The following VAT1L variants were observed in gnomAD, a reference collection of about 807,000 sequenced individuals.
VAT1L encodes the protein putative NADPH-dependent quinone oxidoreductase VAT1L.
In VAT1L, 34 loss-of-function variants were observed where a neutral mutation model predicts 44.1. That is an observed-to-expected ratio of 0.77 (90% CI 0.59 to 1.03). The LOEUF (loss-of-function observed/expected upper bound fraction) is 1.03, where lower values mean the gene tolerates loss of function less well. Ranked by LOEUF, VAT1L falls within the 50% of genes least tolerant of loss-of-function variation. The probability of loss-of-function intolerance (pLI) is 0.00; values close to 1 mark genes in which losing one functional copy is unlikely to be tolerated. For synonymous variants in VAT1L, 253 were observed against 202.2 expected (o/e 1.25, Z -2.13); for missense variants, 615 against 538.8 (o/e 1.14, Z -1.40).
chr16:77,876,848 G>C (rs1235409990), intron 5 of VAT1L, among the ~76,000 whole-genome samples: 1 of 152,162 alleles, frequency 6.6e-6, no homozygotes, highest in Admixed American at 6.5e-5. Context: ...GGGGAAGAGT[G>C]GCTAGGATAT....
At chr16:77,795,520 G>C (rs1001705676) in intron 1 of VAT1L, among the ~76,000 whole-genome samples, 5 of 152,066 alleles carry the variant, frequency 3.3e-5, no homozygotes, top group Non-Finnish European at 7.4e-5. Context: ...TATTTCCTCA[G>C]GATTAAACCT....
intron 7 of VAT1L, among the ~76,000 whole-genome samples, chr16:77,955,158 C>T (rs2018088660): frequency 6.6e-6 from 1 of 152,188 alleles, no homozygotes; most frequent in South Asian, 2.1e-4. Flanking sequence ...CAGGTGCATG[C>T]TCTTCAAGAG....
chr16:77,939,054 C>G (rs1253079944), intron 7 of VAT1L, among the ~76,000 whole-genome samples: 1 of 152,144 alleles, frequency 6.6e-6, no homozygotes, highest in Non-Finnish European at 1.5e-5. Context: ...CTTCCCACTT[C>G]TACCTGCCTC....
intron 7 of VAT1L, among the ~76,000 whole-genome samples, chr16:77,910,694 GAAAGAAAAGA>G (rs751786729): frequency 8.0e-6 from 1 of 124,372 alleles, no homozygotes; most frequent in African/African-American, 3.0e-5. Context: ...AAAAAAAAAA[GAAAGAAAAGA>G]AAAGAAAAGA....
At chr16:77,830,035 C>A (rs544182773) in intron 3 of VAT1L, among the ~76,000 whole-genome samples, 1 of 152,144 alleles carries the variant, frequency 6.6e-6, no homozygotes, top group South Asian at 2.1e-4. Flanking sequence ...TGGTCCACCA[C>A]CTCCAGCCAG....
intron 7 of VAT1L, among the ~76,000 whole-genome samples, chr16:77,923,785 G>A (rs1597100835): frequency 6.6e-6 from 1 of 152,162 alleles, no homozygotes; most frequent in East Asian, 1.9e-4. Flanking sequence ...ACACTGGGGA[G>A]AGAGGAAAAC....
chr16:77,789,697 A>G (rs548668636), intron 1 of VAT1L, among the ~76,000 whole-genome samples: 1 of 151,958 alleles, frequency 6.6e-6, no homozygotes, highest in East Asian at 1.9e-4. Context: ...CCGAGAGGGG[A>G]AAAAACCCTG....
At chr16:77,976,791 T>G (rs2018345466) in intron 8 of VAT1L, among the ~76,000 whole-genome samples, 1 of 152,160 alleles carries the variant, frequency 6.6e-6, no homozygotes, top group Non-Finnish European at 1.5e-5. Context: ...ATGGCGGAAA[T>G]GAAGACCCAG....
At chr16:77,799,784 T>G (rs2016014280) in intron 1 of VAT1L, among the ~76,000 whole-genome samples, 1 of 152,114 alleles carries the variant, frequency 6.6e-6, no homozygotes, top group Non-Finnish European at 1.5e-5. Context: ...AGTTATTAAG[T>G]CACATTAAAT....
At chr16:77,866,005 C>T (rs73577100) in intron 4 of VAT1L, among the ~76,000 whole-genome samples, 3,250 of 152,296 alleles carry the variant, frequency 0.021, 111 homozygotes, top group African/African-American at 0.074. Flanking sequence ...ACCCACCTCA[C>T]CCTCACCTTC....
chr16:77,824,828 C>T (rs1195713063), intron 2 of VAT1L, among the ~76,000 whole-genome samples: 1 of 149,060 alleles, frequency 6.7e-6, no homozygotes, highest in Non-Finnish European at 1.5e-5. Context: ...CAGGAAAAAC[C>T]ATGTGTTTGT....
chr16:77,796,374 A>T (rs1015528516), intron 1 of VAT1L, among the ~76,000 whole-genome samples: 2 of 152,114 alleles, frequency 1.3e-5, no homozygotes, highest in African/African-American at 2.4e-5. Context: ...TCAGCTTTTC[A>T]TCTGATCTTC....
intron 1 of VAT1L, among the ~76,000 whole-genome samples, chr16:77,816,170 C>T (rs2016351134): frequency 6.6e-6 from 1 of 151,938 alleles, no homozygotes; most frequent in Non-Finnish European, 1.5e-5. Context: ...ATTATGATGA[C>T]TTTGATATAT....
intron 7 of VAT1L, among the ~76,000 whole-genome samples, chr16:77,895,496 G>C (rs1437038672): frequency 1.3e-5 from 2 of 152,106 alleles, no homozygotes; most frequent in Non-Finnish European, 2.9e-5. Flanking sequence ...AGGAGGGTTG[G>C]AGTCAGAGGA....
chr16:77,894,604 TG>T (rs1157248893), intron 7 of VAT1L, among the ~76,000 whole-genome samples: 10 of 152,150 alleles, frequency 6.6e-5, no homozygotes, highest in Admixed American at 2.0e-4. Flanking sequence ...CATTTCTTTT[TG>T]GAGAGATAAA....
chr16:77,796,123 G>A (rs951122400), intron 1 of VAT1L, among the ~76,000 whole-genome samples: 21 of 152,112 alleles, frequency 1.4e-4, no homozygotes, highest in African/African-American at 5.1e-4. Context: ...CACCACACCT[G>A]GCCAGTTGCT....
At chr16:77,961,615 A>G (rs1254662287) in intron 7 of VAT1L, among the ~76,000 whole-genome samples, 1 of 152,028 alleles carries the variant, frequency 6.6e-6, no homozygotes, top group East Asian at 1.9e-4. Flanking sequence ...GGCCTCCTCA[A>G]CCTCATTCTT....
intron 1 of VAT1L, among the ~76,000 whole-genome samples, chr16:77,790,304 C>T (rs913475899): frequency 2.6e-5 from 4 of 152,090 alleles, no homozygotes; most frequent in Non-Finnish European, 5.9e-5. Flanking sequence ...TTTTGCAAAC[C>T]GGGGGATCCT....
chr16:77,964,578 C>T (rs2018201310), intron 7 of VAT1L, among the ~76,000 whole-genome samples: 1 of 152,086 alleles, frequency 6.6e-6, no homozygotes, highest in South Asian at 2.1e-4. Flanking sequence ...AGATTTTTAG[C>T]TTAATCACTT....
Sources: allele counts gnomAD v4.1 joint callset (sites outside exome capture counted in the v4.1 genomes callset), GRCh38; gene constraint gnomAD v4.1.1; transcripts MANE v1.5; gene names NCBI Gene and HGNC (gene_info 2026-07-23, HGNC 2026-07-21).